The following MYZAP variants were observed in gnomAD, a reference collection of about 807,000 sequenced individuals.
MYZAP encodes myocardial zonula adherens protein.
A neutral mutation model predicts 69.4 loss-of-function variants in MYZAP; 66 were observed. The ratio of observed to expected loss-of-function variants is 0.95; its 90% confidence interval spans 0.78 to 1.17. MYZAP has a LOEUF of 1.17. MYZAP is among the 50% of genes most tolerant of loss of function. The pLI is 0.00. For missense variants in MYZAP, 611 were observed against 556.2 expected, an observed-to-expected ratio of 1.10 and a Z score of -0.99; for synonymous variants, 256 against 205.9, an observed-to-expected ratio of 1.24 and a Z score of -2.09.
At chr15:57,605,426 A>G (rs1468300430) in intron 2 of MYZAP, among the ~76,000 whole-genome samples, 1 of 152,132 alleles carries the variant, frequency 6.6e-6, no homozygotes, top group Non-Finnish European at 1.5e-5. Context: ...TAACATAGTG[A>G]CCTCTTGAAA....
At position 57,675,049 on chromosome 15, in the gene MYZAP, G is replaced by T; in HGVS notation, c.1285G>T (p.Gly429Cys). Residue 429 changes from glycine to cysteine, a missense_variant, in exon 12 of 13, where the codon GGC (glycine) becomes TGC (cysteine). By Grantham distance (159) the Gly-to-Cys change is radical. Coordinates refer to ENST00000267853, the MANE Select transcript of MYZAP (RefSeq NM_001018100.5). ...TEVETREIGV[G>C]CDLLPSQTGR... ...AGTGGAAACCAGAGAGATAGGAGTGGGCTGTGATCTTCTACCCAGGTATTT... is the reference window on the plus strand; with the variant it reads ...AGTGGAAACCAGAGAGATAGGAGTGTGCTGTGATCTTCTACCCAGGTATTT... The T allele has an allele frequency of 6.2e-7, 1 of 1,612,688 alleles. No homozygotes were observed. Among genetic ancestry groups the T allele is most frequent in the South Asian group, 1.1e-5 (1 of 90,834 alleles).
At chr15:57,595,608 A>G (rs2034005269) in intron 1 of MYZAP, among the ~76,000 whole-genome samples, 2 of 151,966 alleles carry the variant, frequency 1.3e-5, no homozygotes, top group Non-Finnish European at 2.9e-5. Flanking sequence ...CTTTCGGCAC[A>G]ATACTTACTG....
chr15:57,634,047 C>A (rs573153888), intron 8 of MYZAP, among the ~76,000 whole-genome samples: 1 of 151,986 alleles, frequency 6.6e-6, no homozygotes, highest in Non-Finnish European at 1.5e-5. Context: ...ATTATCAAGC[C>A]CTATTTAGGT....
At chr15:57,653,339 C>T (rs1438148951) in intron 10 of MYZAP, among the ~76,000 whole-genome samples, 1 of 152,058 alleles carries the variant, frequency 6.6e-6, no homozygotes, top group Non-Finnish European at 1.5e-5. Context: ...GCTTGAAGTT[C>T]CCCATAGAAA....
Position 57,645,527 on chromosome 15 carries a change from G to T in MYZAP, c.1119+5982G>T, listed in dbSNP as rs553318851. 4.6e-5 allele frequency among the ~76,000 whole-genome samples: 7 copies of T among 152,282 alleles called. No individual in the cohort carries two copies. In the South Asian group the frequency reaches 1.5e-3, roughly 32 times the overall value. On this transcript the variant is annotated intron_variant, in intron 10 of 12. Coordinates refer to ENST00000267853, the MANE Select transcript of MYZAP (RefSeq NM_001018100.5). Reference sequence around the variant, plus strand: ...TATTAGTTTCCTTGTCTATAAAATAGGGTTAATAATAGTATCTACCCAATT... The same window carrying T: ...TATTAGTTTCCTTGTCTATAAAATATGGTTAATAATAGTATCTACCCAATT...
rs140202086 is a variant in MYZAP at position 57,661,450 on chromosome 15, A to T, written c.1120A>T (p.Ile374Phe). ...QKKVKQMVEE[I>F]ESLKKKLQQK... is the part of the protein sequence containing the mutation. ...CAATTTTCCATCCCTTTCTTTCTAG[A>T]TTGAATCATTAAAGAAAAAGTTGCA... Residue 374 changes from isoleucine to phenylalanine, a missense_variant and splice_region_variant, in exon 11 of 13, where the codon ATT (isoleucine) becomes TTT (phenylalanine). Ile to Phe is a conservative substitution (Grantham distance 21). Coordinates refer to ENST00000267853, the MANE Select transcript of MYZAP (RefSeq NM_001018100.5). The T allele has an allele frequency of 1.3e-4, 206 of 1,606,064 alleles. No individual in the cohort carries two copies. The East Asian group carries it at 4.0e-3, about 31-fold the overall frequency.
intron 5 of MYZAP, among the ~76,000 whole-genome samples, chr15:57,626,769 C>T (rs756663341): frequency 6.6e-6 from 1 of 152,218 alleles, no homozygotes; most frequent in Admixed American, 6.5e-5. Context: ...TTCTCCACTT[C>T]CCCTAATTCT....
intron 10 of MYZAP, among the ~76,000 whole-genome samples, chr15:57,661,112 G>A (rs978016415): frequency 2.6e-5 from 4 of 152,114 alleles, no homozygotes; most frequent in Admixed American, 1.3e-4. Context: ...AAGATCTTCT[G>A]GCTGTTTTAA....
At chr15:57,611,409 G>A (rs145508284) in intron 2 of MYZAP, among the ~76,000 whole-genome samples, 1 of 152,248 alleles carries the variant, frequency 6.6e-6, no homozygotes. Context: ...ATACCCCTGG[G>A]TTCCAGAAAA....
At position 57,629,695 on chromosome 15, in the gene MYZAP, C is replaced by G. The variant is rs774504358; in HGVS notation, c.526-7C>G. The G allele has an allele frequency of 1.9e-6, 3 of 1,603,846 alleles. No individual in the cohort carries two copies. The highest frequency in any genetic ancestry group is 2.5e-6 in the Non-Finnish European group (3 of 1,176,910). The stretch of plus-strand genomic sequence containing the variant: ...ATCTGGTTTTGTTTTTATTTTCATC[C>G]TCACAGAAAACCCTCGTGGATGTGA... On this transcript the variant is annotated splice_polypyrimidine_tract_variant and splice_region_variant and intron_variant, in intron 5 of 12. Transcript: ENST00000267853.
Position 57,592,015 on chromosome 15 carries a change from C to A in MYZAP, c.-20C>A. On this transcript the variant is annotated 5_prime_UTR_variant, in exon 1 of 13. Transcript: ENST00000267853. ...GGGAGGAACGCCGGCGTCCAGCCCG[C>A]TACCGACCGCCGCTGCGGGATGCTG... 1 of 1,431,066 alleles carries A rather than the reference C, an allele frequency of 7.0e-7. No homozygotes were observed. The highest frequency in any genetic ancestry group is 2.7e-5 in the Admixed American group (1 of 37,324). 88.6% of individuals were successfully genotyped at this position (1,431,066 alleles called of 1,614,324 possible). A position where few individuals can be genotyped will look rare whatever the true frequency, so the allele number is the denominator to read the frequency against.
chr15:57,607,043 TC>T (rs1165353394), intron 2 of MYZAP, among the ~76,000 whole-genome samples: 1 of 152,190 alleles, frequency 6.6e-6, no homozygotes, highest in Non-Finnish European at 1.5e-5. Context: ...TCCCTGCCTG[TC>T]CCTTTTAGAG....
chr15:57,601,423 T>C (rs950877992), intron 1 of MYZAP, among the ~76,000 whole-genome samples: 8 of 152,010 alleles, frequency 5.3e-5, no homozygotes, highest in Admixed American at 6.6e-5. Flanking sequence ...AGTTACACTT[T>C]GATGCTTGTG....
At chr15:57,635,294 G>T (rs770846030) in intron 8 of MYZAP, among the ~76,000 whole-genome samples, 1 of 152,138 alleles carries the variant, frequency 6.6e-6, no homozygotes, top group Admixed American at 6.5e-5. Context: ...ATGGTTCCTC[G>T]TATATAGTAA....
At chr15:57,629,590 C>G (rs190656121) in intron 5 of MYZAP, 112 bp from the exon 6 acceptor site, 1 of 1,421,882 alleles carries the variant, frequency 7.0e-7, no homozygotes, top group Non-Finnish European at 9.4e-7. Context: ...GTTGCTGTAG[C>G]CTAGGACAGC....
At chr15:57,604,221 GC>G in intron 1 of MYZAP, 47 bp from the exon 2 acceptor site, 1 of 1,601,572 alleles carries the variant, frequency 6.2e-7, no homozygotes, top group Non-Finnish European at 8.5e-7. Context: ...GGCTCTTTCT[GC>G]CCCAAATGCT....
At chr15:57,604,816 C>T (rs2034644286) in intron 2 of MYZAP, among the ~76,000 whole-genome samples, 1 of 152,188 alleles carries the variant, frequency 6.6e-6, no homozygotes, top group Admixed American at 6.5e-5. Flanking sequence ...AGGGCACTTT[C>T]TTGGCTGGGG....
rs746542048 is a variant in MYZAP, at chr15:57,633,711, G to C, written c.903G>C (p.Glu301Asp). ...SLEEKDQRIGELDRLIERMEK... is the reference protein window; with the variant it reads ...SLEEKDQRIGDLDRLIERMEK... Reference sequence around the variant, plus strand: ...AGGAGAAAGACCAGAGGATCGGGGAGCTGGACAGGCTGATTGAGCGCATGG... The same window carrying C: ...AGGAGAAAGACCAGAGGATCGGGGACCTGGACAGGCTGATTGAGCGCATGG... The change falls in exon 8 of 13, where the codon GAG (glutamate) becomes GAC (aspartate). Residue 301 changes from glutamate to aspartate, a missense_variant. Glu to Asp is a conservative substitution (Grantham distance 45, BLOSUM62 2). Coordinates refer to ENST00000267853, the MANE Select transcript of MYZAP (RefSeq NM_001018100.5). The C allele has an allele frequency of 7.4e-6, 12 of 1,611,594 alleles. No homozygotes were observed. The East Asian group carries it at 2.7e-4, about 36-fold the overall frequency.
intron 12 of MYZAP, among the ~76,000 whole-genome samples, chr15:57,684,109 A>C (rs1282492602): frequency 8.0e-6 from 1 of 124,910 alleles, no homozygotes; most frequent in African/African-American, 2.6e-5. Context: ...CCTCTCTCAT[A>C]AGGCCACTAA....
Sources: gnomAD v4.1 joint callset for allele counts (sites outside exome capture counted in the v4.1 genomes callset) on GRCh38, gnomAD v4.1.1 for gene constraint, MANE v1.5 for transcripts, NCBI Gene and HGNC (gene_info 2026-07-23, HGNC 2026-07-21) for gene names.